The following PDE4D variants were observed in gnomAD, a reference collection of about 807,000 sequenced individuals.
PDE4D encodes the protein phosphodiesterase 4D.
A neutral mutation model predicts 87.4 loss-of-function variants in PDE4D; 24 were observed. That is an observed-to-expected ratio of 0.27 (90% CI 0.20 to 0.39). The LOEUF (loss-of-function observed/expected upper bound fraction) is 0.39. PDE4D is among the 10% of genes least tolerant of loss of function. The probability of loss-of-function intolerance (pLI) is 1.00; values close to 1 mark genes in which losing one functional copy is unlikely to be tolerated. For synonymous variants in PDE4D, 384 were observed against 383.2 expected, an observed-to-expected ratio of 1.00 and a Z score of -0.02; for missense variants, 714 against 1,041.0, an observed-to-expected ratio of 0.69 and a Z score of 4.32.
At chr5:59,503,815 A>C (rs1387646837) in intron 1 of PDE4D, among the ~76,000 whole-genome samples, 1 of 152,172 alleles carries the variant, frequency 6.6e-6, no homozygotes, top group African/African-American at 2.4e-5. Context: ...AACTCTCCAG[A>C]ACAGTTAAAA....
intron 5 of PDE4D, among the ~76,000 whole-genome samples, chr5:59,109,710 G>C (rs1025091576): frequency 6.6e-6 from 1 of 152,162 alleles, no homozygotes; most frequent in African/African-American, 2.4e-5. Context: ...AGGAGCAAGA[G>C]TGAAGTATCC....
chr5:60,368,617 A>G (rs915674753), intron 1 of PDE4D, among the ~76,000 whole-genome samples: 1 of 152,150 alleles, frequency 6.6e-6, no homozygotes, highest in African/African-American at 2.4e-5. Context: ...GTTTGGCTCT[A>G]TGTCCCCACC....
intron 2 of PDE4D, among the ~76,000 whole-genome samples, chr5:60,026,792 G>A (rs1461680141): frequency 6.6e-6 from 1 of 152,064 alleles, no homozygotes; most frequent in East Asian, 1.9e-4. Context: ...GATTTGCCGT[G>A]GCATTTAAAA....
At chr5:59,649,024 A>AAT (rs1454574278) in intron 1 of PDE4D, among the ~76,000 whole-genome samples, 7 of 152,178 alleles carry the variant, frequency 4.6e-5, no homozygotes, top group African/African-American at 1.7e-4. Context: ...ATATATAGGA[A>AAT]ATCCCTGTCA....
intron 1 of PDE4D, among the ~76,000 whole-genome samples, chr5:59,337,610 A>G (rs1777935633): frequency 6.6e-6 from 1 of 152,124 alleles, no homozygotes; most frequent in African/African-American, 2.4e-5. Context: ...TATTATTTCA[A>G]TTTACAGATA....
At chr5:59,707,286 A>C (rs1753565335) in intron 1 of PDE4D, among the ~76,000 whole-genome samples, 1 of 152,168 alleles carries the variant, frequency 6.6e-6, no homozygotes, top group East Asian at 1.9e-4. Context: ...AAATTCTTTA[A>C]TGCAACAAAC....
intron 2 of PDE4D, among the ~76,000 whole-genome samples, chr5:60,134,111 TA>T (rs1177197793): frequency 6.6e-6 from 1 of 152,244 alleles, no homozygotes; most frequent in African/African-American, 2.4e-5. Context: ...TGCACATATA[TA>T]ACTATACCAA....
At chr5:60,473,731 G>A (rs1389241796) in intron 1 of PDE4D, among the ~76,000 whole-genome samples, 1 of 151,764 alleles carries the variant, frequency 6.6e-6, no homozygotes, top group East Asian at 2.0e-4. Flanking sequence ...AGTCCAAAGA[G>A]CTCATCTGGC....
intron 1 of PDE4D, among the ~76,000 whole-genome samples, chr5:59,574,165 T>G (rs1349332005): frequency 8.8e-6 from 1 of 113,174 alleles, no homozygotes; most frequent in Non-Finnish European, 1.8e-5. Context: ...TATATATATA[T>G]ATATATAAAT....
At chr5:59,850,757 G>A (rs1744554119) in intron 1 of PDE4D, among the ~76,000 whole-genome samples, 2 of 151,984 alleles carry the variant, frequency 1.3e-5, no homozygotes, top group African/African-American at 2.4e-5. Context: ...TTTTGAAAGG[G>A]ATGACATTGG....
chr5:60,321,967 T>C (rs577763780), intron 1 of PDE4D, among the ~76,000 whole-genome samples: 1 of 152,286 alleles, frequency 6.6e-6, no homozygotes, highest in Non-Finnish European at 1.5e-5. Flanking sequence ...GAATGTAATT[T>C]AGTTCAGCCA....
At chr5:59,839,707 C>G (rs888062387) in intron 1 of PDE4D, among the ~76,000 whole-genome samples, 1 of 152,032 alleles carries the variant, frequency 6.6e-6, no homozygotes, top group Non-Finnish European at 1.5e-5. Context: ...CACCTACTCT[C>G]TCTCTTTGTG....
chr5:59,196,199 A>G (rs916864625), intron 2 of PDE4D, among the ~76,000 whole-genome samples: 5 of 152,236 alleles, frequency 3.3e-5, no homozygotes, highest in African/African-American at 1.2e-4. Flanking sequence ...CAATGTTGCA[A>G]GGTAGGTGAC....
chr5:59,558,697 G>A (rs1225789443), intron 1 of PDE4D: 2 of 152,124 alleles, frequency 1.3e-5, no homozygotes, highest in African/African-American at 4.8e-5. Context: ...CAGACACCAG[G>A]CTCACATGTT....
At chr5:59,446,624 A>G (rs1798387212) in intron 1 of PDE4D, among the ~76,000 whole-genome samples, 1 of 152,196 alleles carries the variant, frequency 6.6e-6, no homozygotes, top group African/African-American at 2.4e-5. Flanking sequence ...ACATGTAGCA[A>G]AGGCTCTTTT....
chr5:59,326,411 G>T (rs912732869), intron 1 of PDE4D, among the ~76,000 whole-genome samples: 2 of 151,504 alleles, frequency 1.3e-5, no homozygotes, highest in African/African-American at 4.9e-5. Context: ...CTGTGATTCT[G>T]GAGCCATATA....
intron 2 of PDE4D, among the ~76,000 whole-genome samples, chr5:60,036,556 G>T (rs1435452709): frequency 6.6e-6 from 1 of 152,090 alleles, no homozygotes; most frequent in Non-Finnish European, 1.5e-5. Flanking sequence ...ATCCAAGAAG[G>T]CACATAAACT....
At chr5:60,108,079 G>T (rs1374116006) in intron 2 of PDE4D, among the ~76,000 whole-genome samples, 2 of 151,978 alleles carry the variant, frequency 1.3e-5, no homozygotes, top group Non-Finnish European at 2.9e-5. Flanking sequence ...GTCCCTGTTT[G>T]CAGACGACAT....
intron 1 of PDE4D, among the ~76,000 whole-genome samples, chr5:59,636,800 C>T (rs1018625828): frequency 1.3e-5 from 2 of 152,104 alleles, no homozygotes; most frequent in East Asian, 3.8e-4. Context: ...CCATAAAAAC[C>T]CTAGAAGAAA....
Sources: gnomAD v4.1 joint callset for allele counts (sites outside exome capture counted in the v4.1 genomes callset) on GRCh38, gnomAD v4.1.1 for gene constraint, MANE v1.5 for transcripts, NCBI Gene and HGNC (gene_info 2026-07-23, HGNC 2026-07-21) for gene names.